Variants in TPTE2 observed in about 807,000 individuals in gnomAD.
TPTE2 encodes the protein phosphatidylinositol 3,4,5-trisphosphate 3-phosphatase TPTE2.
In TPTE2, 53 loss-of-function variants were observed where a neutral mutation model predicts 78.6. That is an observed-to-expected ratio of 0.67 (90% confidence interval 0.54 to 0.85). The LOEUF (loss-of-function observed/expected upper bound fraction) is 0.85, where lower values mean the gene tolerates loss of function less well. Ranked by LOEUF, TPTE2 falls within the 40% of genes least tolerant of loss-of-function variation. The pLI is 0.00. For synonymous variants in TPTE2, 175 were observed against 206.2 expected (o/e 0.85, Z 1.30); for missense variants, 461 against 623.0 (o/e 0.74, Z 2.77).
upstream of TPTE2, among the ~76,000 whole-genome samples, chr13:19,508,144 C>G (rs939798470): frequency 6.6e-6 from 1 of 152,094 alleles, no homozygotes; most frequent in Middle Eastern, 3.2e-3. Flanking sequence ...CTGCCCAAAC[C>G]AGGACACTTT....
intron 1 of TPTE2, among the ~76,000 whole-genome samples, chr13:19,495,925 G>A (rs1187801777): frequency 1.1e-4 from 17 of 152,130 alleles, no homozygotes; most frequent in African/African-American, 4.1e-4. Context: ...CTGGAGTGCA[G>A]TGGCATGATC....
intron 16 of TPTE2, among the ~76,000 whole-genome samples, chr13:19,431,227 T>C (rs1181728234): frequency 6.6e-6 from 1 of 152,168 alleles, no homozygotes; most frequent in Non-Finnish European, 1.5e-5. Context: ...CTAATCATAA[T>C]GATTCTTAAT....
At chr13:19,509,012 A>G (rs1386395466) in intron 1 of TPTE2, among the ~76,000 whole-genome samples, 1 of 152,188 alleles carries the variant, frequency 6.6e-6, no homozygotes, top group Non-Finnish European at 1.5e-5. Flanking sequence ...AAAAACCCAC[A>G]TTTGAAACTA....
chr13:19,443,920 GA>G (rs535747095), intron 13 of TPTE2, among the ~76,000 whole-genome samples: 2 of 152,006 alleles, frequency 1.3e-5, no homozygotes, highest in African/African-American at 2.4e-5. Context: ...GACTGAAATG[GA>G]AAAAATACAA....
chr13:19,453,813 G>A (rs1282855202), intron 10 of TPTE2, among the ~76,000 whole-genome samples: 1 of 152,120 alleles, frequency 6.6e-6, no homozygotes, highest in Non-Finnish European at 1.5e-5. Flanking sequence ...TAAGATTGTA[G>A]GAATGTAGGT....
the TPTE2 span, chr13:19,552,535 C>T: frequency 1.5e-6 from 1 of 664,320 alleles, no homozygotes; most frequent in Non-Finnish European, 2.6e-6. Context: ...TAATTTCAGT[C>T]AATAAATTTT....
At chr13:19,479,326 TC>T in intron 4 of TPTE2, among the ~76,000 whole-genome samples, 2 of 152,276 alleles carry the variant, frequency 1.3e-5, no homozygotes, top group South Asian at 4.1e-4. Context: ...TTCTTATCTT[TC>T]ACAGGTACAT....
chr13:19,490,724 A>C (rs1325025086), intron 3 of TPTE2, among the ~76,000 whole-genome samples: 3 of 152,236 alleles, frequency 2.0e-5, no homozygotes, highest in Non-Finnish European at 2.9e-5. Flanking sequence ...ATACGATCTG[A>C]TGGTGGGTTT....
At chr13:19,495,185 A>T (rs1319249329) in intron 1 of TPTE2, among the ~76,000 whole-genome samples, 1 of 149,688 alleles carries the variant, frequency 6.7e-6, no homozygotes, top group Admixed American at 6.8e-5. Context: ...TTCCTGCCCA[A>T]AAGTTGCGGC....
chr13:19,441,632 T>G (rs1202464069), intron 13 of TPTE2, among the ~76,000 whole-genome samples: 1 of 152,042 alleles, frequency 6.6e-6, no homozygotes, highest in Non-Finnish European at 1.5e-5. Flanking sequence ...ACTTTAAAAA[T>G]TAACAACAAC....
intron 4 of TPTE2, among the ~76,000 whole-genome samples, chr13:19,481,962 TAC>T (rs1880381995): frequency 6.6e-6 from 1 of 152,078 alleles, no homozygotes; most frequent in Non-Finnish European, 1.5e-5. Context: ...ATTGTTTCAT[TAC>T]AGTGAGTACA....
chr13:19,560,739 C>G, the TPTE2 span: 1 of 1,471,754 alleles, frequency 6.8e-7, no homozygotes, highest in African/African-American at 1.5e-5. Flanking sequence ...CAGCGACTGC[C>G]AGGGGCCCAG....
intron 19 of TPTE2, 133 bp from the exon 23 acceptor site, chr13:19,423,297 A>C (rs1875746822): frequency 1.7e-6 from 1 of 580,158 alleles, no homozygotes; most frequent in Non-Finnish European, 2.9e-6. Context: ...CCTTTTTTGC[A>C]TTTCAGTTGG....
At chr13:19,447,010 T>G (rs1455454113) in intron 13 of TPTE2, among the ~76,000 whole-genome samples, 1 of 152,098 alleles carries the variant, frequency 6.6e-6, no homozygotes, top group Non-Finnish European at 1.5e-5. Flanking sequence ...AAAGGCAACA[T>G]GTGGGGAGAA....
intron 10 of TPTE2, among the ~76,000 whole-genome samples, chr13:19,461,949 T>A (rs964554770): frequency 2.7e-5 from 4 of 150,904 alleles, no homozygotes; most frequent in African/African-American, 7.3e-5. Context: ...TTTTTTTTTT[T>A]AAATCTTGGC....
chr13:19,451,769 CTCTT>C (rs907734824), intron 10 of TPTE2, among the ~76,000 whole-genome samples: 9 of 150,130 alleles, frequency 6.0e-5, no homozygotes, highest in African/African-American at 2.0e-4. Context: ...CTCATTTGTT[CTCTT>C]TATTTTTTTA....
intron 13 of TPTE2, among the ~76,000 whole-genome samples, chr13:19,439,934 AAGTC>A (rs1295639531): frequency 2.0e-5 from 3 of 152,324 alleles, no homozygotes; most frequent in Non-Finnish European, 2.9e-5. Flanking sequence ...AAAGTGAAGA[AAGTC>A]AGAAATATGA....
exon 18 of TPTE2, chr13:19,426,508 C>A: frequency 6.4e-7 from 1 of 1,561,198 alleles, no homozygotes; most frequent in South Asian, 1.1e-5. Flanking sequence ...GTTTCAATGT[C>A]ATGCAATATC....
At chr13:19,435,413 AAGCAAG>A (rs1370548376) in intron 15 of TPTE2, among the ~76,000 whole-genome samples, 3 of 152,184 alleles carry the variant, frequency 2.0e-5, no homozygotes, top group African/African-American at 4.8e-5. Flanking sequence ...GATTTAGGGA[AAGCAAG>A]AGTGGAGAGT....
Sources: allele counts gnomAD v4.1 joint callset (sites outside exome capture counted in the v4.1 genomes callset), GRCh38; gene constraint gnomAD v4.1.1; transcripts MANE v1.5; gene names NCBI Gene and HGNC (gene_info 2026-07-23, HGNC 2026-07-21).